The following AP1S1 variants were observed in gnomAD, a reference collection of about 807,000 sequenced individuals.
The protein encoded by AP1S1 is AP-1 complex subunit sigma-1A.
AP1S1 carries 13 observed loss-of-function variants against 23.9 expected under a neutral mutation model. The observed-to-expected ratio is 0.54, with a 90% CI of 0.35 to 0.86. The LOEUF is 0.86. Among genes scored for constraint, AP1S1 ranks in the 40% least tolerant of loss-of-function variants. The probability of loss-of-function intolerance (pLI) is 0.01; values close to 1 mark genes in which losing one functional copy is unlikely to be tolerated. For synonymous variants in AP1S1, 84 were observed against 77.7 expected, an observed-to-expected ratio of 1.08 and a Z score of -0.43; for missense variants, 119 against 197.6, an observed-to-expected ratio of 0.60 and a Z score of 2.38.
At chr7:101,160,273 T>C (rs1797075021) in intron 4 of AP1S1, among the ~76,000 whole-genome samples, 2 of 152,066 alleles carry the variant, frequency 1.3e-5, no homozygotes. Flanking sequence ...TTGGGTTCTC[T>C]GGGTGGTGAC....
Position 101,157,495 on chromosome 7 carries a change from C to T in AP1S1, c.291+10C>T, listed in dbSNP as rs1269545341. The T allele has an allele frequency of 1.9e-6, 3 of 1,539,962 alleles. No homozygotes were observed. Among genetic ancestry groups the T allele is most frequent in the Non-Finnish European group, 2.6e-6 (3 of 1,135,898 alleles). ...CAAATACTTTGGCAGTGTAAGTCTC[C>T]TCTGCCCACCAGTTTCCATTCCCAG... On this transcript the variant is annotated intron_variant, in intron 3 of 4. Transcript: ENST00000337619.
chr7:101,155,110 C>A (rs1018656273), intron 1 of AP1S1: 330 of 825,602 alleles, frequency 4.0e-4, no homozygotes, highest in Non-Finnish European at 4.7e-4. Flanking sequence ...CTCTGCCCCC[C>A]TTCCCATTCT....
chr7:101,160,398 C>T (rs986925902), intron 4 of AP1S1, 121 bp from the exon 5 acceptor site: 171 of 1,231,704 alleles, frequency 1.4e-4, no homozygotes, highest in Admixed American at 2.1e-4. Context: ...ACATTGGCTT[C>T]TCTCCCCCTC....
rs1317347437 is a variant in AP1S1 at position 101,154,536 on chromosome 7, G to A, written c.3+19G>A. On this transcript the variant is annotated intron_variant, in intron 1 of 4. Coordinates refer to ENST00000337619, the MANE Select transcript of AP1S1 (RefSeq NM_001283.5). ...CAGGATGGTAGGCTGTGCGAAGAGGGAGGGGAGGGGGAAGCGAGGGGCGTG... is the reference window on the plus strand; with the variant it reads ...CAGGATGGTAGGCTGTGCGAAGAGGAAGGGGAGGGGGAAGCGAGGGGCGTG... 6.4e-7 allele frequency: 1 copy of A among 1,566,330 alleles called. No individual in the cohort carries two copies. The highest frequency in any genetic ancestry group is 8.6e-7 in the Non-Finnish European group (1 of 1,156,204).
intron 4 of AP1S1, 112 bp from the exon 5 acceptor site, chr7:101,160,407 T>A: frequency 7.8e-7 from 1 of 1,290,148 alleles, no homozygotes; most frequent in Non-Finnish European, 1.1e-6. Context: ...TCTCTCCCCC[T>A]CCCCCGTGTC....
At chr7:101,160,492 G>A (rs145250478) in intron 4 of AP1S1, 27 bp from the exon 5 acceptor site, 35 of 1,609,106 alleles carry the variant, frequency 2.2e-5, no homozygotes, top group East Asian at 1.3e-4. Flanking sequence ...GTGTCTCTGC[G>A]TCACCCTCTG....
chr7:101,154,523 C>T lies in AP1S1; in HGVS notation c.3+6C>T, dbSNP rs1382271341. On this transcript the variant is annotated splice_donor_region_variant and intron_variant, in intron 1 of 4. Transcript: ENST00000337619. ...GAGCCGGAGGCTGCAGGATGGTAGG[C>T]TGTGCGAAGAGGGAGGGGAGGGGGA... The T allele has an allele frequency of 6.4e-7, 1 of 1,569,222 alleles. No individual in the cohort carries two copies. Among genetic ancestry groups the T allele is most frequent in the Non-Finnish European group, 8.6e-7 (1 of 1,158,184 alleles).
intron 2 of AP1S1, among the ~76,000 whole-genome samples, chr7:101,157,105 C>T (rs1222115295): frequency 6.6e-6 from 1 of 152,190 alleles, no homozygotes; most frequent in Non-Finnish European, 1.5e-5. Flanking sequence ...CTTTCCGGTT[C>T]CTTCTCCTCG....
At chr7:101,159,347 CT>C in intron 4 of AP1S1, 151 bp downstream of exon 4, 1 of 1,190,154 alleles carries the variant, frequency 8.4e-7, no homozygotes, top group Non-Finnish European at 1.2e-6. Flanking sequence ...AGCTCTCCAG[CT>C]TACTCTCAAG....
At chr7:101,154,586 G>T in intron 1 of AP1S1, 69 bp downstream of exon 1, 1 of 1,538,256 alleles carries the variant, frequency 6.5e-7, no homozygotes, top group Non-Finnish European at 8.8e-7. Context: ...GGGTCCTCGG[G>T]GGCCGCCCTC....
rs968779907 is a variant in AP1S1 at position 101,154,503 on chromosome 7, G to A, written c.-12G>A. On this transcript the variant is annotated 5_prime_UTR_variant, in exon 1 of 5. Transcript: ENST00000337619. The stretch of plus-strand genomic sequence containing the variant: ...TGGCCGAAGTGGGACGCGCCGAGCC[G>A]GAGGCTGCAGGATGGTAGGCTGTGC... 1.3e-6 allele frequency: 2 copies of A among 1,573,534 alleles called. No homozygotes were observed. Among genetic ancestry groups the A allele is most frequent in the East Asian group, 4.7e-5 (2 of 42,958 alleles).
chr7:101,160,497 C>A, intron 4 of AP1S1, 22 bp from the exon 5 acceptor site: 6 of 1,610,178 alleles, frequency 3.7e-6, no homozygotes, highest in South Asian at 2.2e-5. Context: ...TCTGCGTCAC[C>A]CTCTGTCTGT....
At chr7:101,156,974 C>G (rs1046173408) in intron 2 of AP1S1, among the ~76,000 whole-genome samples, 2 of 147,914 alleles carry the variant, frequency 1.4e-5, no homozygotes, top group African/African-American at 5.0e-5. Flanking sequence ...CTTGGTTTTG[C>G]TCACGTGCAA....
At position 101,154,492 on chromosome 7, in the gene AP1S1, C is replaced by T. The variant is rs1382504266; in HGVS notation, c.-23C>T. ...GGCGCCTACGGTGGCCGAAGTGGGA[C>T]GCGCCGAGCCGGAGGCTGCAGGATG... is the stretch of plus-strand genomic sequence containing the variant. On this transcript the variant is annotated 5_prime_UTR_variant, in exon 1 of 5. The change creates a new upstream start codon in the 5' untranslated region. Coordinates refer to ENST00000337619, the MANE Select transcript of AP1S1 (RefSeq NM_001283.5). The T allele has an allele frequency of 1.9e-6, 3 of 1,571,618 alleles. No homozygotes were observed. The highest frequency in any genetic ancestry group is 3.8e-5 in the Admixed American group (2 of 53,256).
In AP1S1 at chr7:101,157,428, C is replaced by A; in HGVS notation, c.234C>A (p.Leu78=). The A allele has an allele frequency of 6.3e-7, 1 of 1,582,754 alleles. No homozygotes were observed. Among genetic ancestry groups the A allele is most frequent in the South Asian group, 1.2e-5 (1 of 86,046 alleles). The change falls in exon 3 of 5, where the codon CTC becomes CTA. Residue 78 remains leucine, a synonymous_variant. Transcript: ENST00000337619. ...CCAIEGQDNE[L]ITLELIHRYV... is the part of the protein sequence containing the mutation. ...CCATCGAGGGCCAAGACAATGAGCT[C>A]ATCACACTGGAGCTGATCCACCGAT...
rs985594162 is a variant in AP1S1, at chr7:101,160,450, T to C, written c.430-69T>C. 1.9e-6 allele frequency: 3 copies of C among 1,563,054 alleles called. No homozygotes were observed. The African/African-American group carries it at 4.1e-5, about 21-fold the overall frequency. On this transcript the variant is annotated intron_variant, in intron 4 of 4. Coordinates refer to ENST00000337619, the MANE Select transcript of AP1S1 (RefSeq NM_001283.5). Reference sequence around the variant, plus strand: ...CCCCCGTCTGACTCTTCCTCGTGACTGCTGTCTTGCCCACCCTGTCGGCCT... The same window carrying C: ...CCCCCGTCTGACTCTTCCTCGTGACCGCTGTCTTGCCCACCCTGTCGGCCT...
intron 3 of AP1S1, 73 bp from the exon 4 acceptor site, chr7:101,158,986 A>G (rs1454710033): frequency 3.2e-6 from 5 of 1,574,928 alleles, no homozygotes; most frequent in Non-Finnish European, 4.3e-6. Flanking sequence ...CCAAGGTGGG[A>G]GGCACGGTCT....
intron 4 of AP1S1, among the ~76,000 whole-genome samples, chr7:101,159,873 T>TG (rs770193324): frequency 6.6e-6 from 1 of 151,040 alleles, no homozygotes; most frequent in East Asian, 2.0e-4. Context: ...GGGGGAGAGA[T>TG]GGGGGGCGAG....
Position 101,160,614 on chromosome 7 carries a change from G to A in AP1S1, c.*48G>A. 1 of 1,596,894 alleles carries A rather than the reference G, an allele frequency of 6.3e-7. No individual in the cohort carries two copies. The highest frequency in any genetic ancestry group is 2.2e-5 in the East Asian group (1 of 44,806). On this transcript the variant is annotated 3_prime_UTR_variant, in exon 5 of 5. Transcript: ENST00000337619. The stretch of plus-strand genomic sequence containing the variant: ...CGATGGGGTCCTGGCAGCGTGGCGG[G>A]AACGGCTGCTTCTCCTCTGCCCAGG...
Sources: allele counts gnomAD v4.1 joint callset (sites outside exome capture counted in the v4.1 genomes callset), GRCh38; gene constraint gnomAD v4.1.1; transcripts MANE v1.5; gene names NCBI Gene and HGNC (gene_info 2026-07-23, HGNC 2026-07-21).